BANP: variants seen among roughly 807,000 people sequenced by gnomAD.
BANP encodes the protein BTG3 associated nuclear protein.
In BANP, 11 loss-of-function variants were observed where a neutral mutation model predicts 68.1. The ratio of observed to expected loss-of-function variants is 0.16; its 90% confidence interval spans 0.10 to 0.27. The LOEUF (loss-of-function observed/expected upper bound fraction) is 0.27. Ranked by LOEUF, BANP falls within the 10% of genes least tolerant of loss-of-function variation. The pLI, the probability that BANP is intolerant of heterozygous loss-of-function variation, is 1.00. For synonymous variants in BANP, 329 were observed against 303.2 expected, an observed-to-expected ratio of 1.09 and a Z score of -0.88; for missense variants, 504 against 722.7, an observed-to-expected ratio of 0.70 and a Z score of 3.47.
rs1262163565 is a variant in BANP, at chr16:88,071,958, C to T, written c.1378-111C>T. On this transcript the variant is annotated intron_variant, in intron 12 of 13. Transcript: ENST00000682872. This position sits in a 1 kb window ranked among gnomAD's most constrained non-coding sequence, Gnocchi z 6.5. ...TGGCCCTGAGGCCGTGTCCCTGCCG[C>T]TCAGGGGACAGCACGTGTGGGCTGG... 3 of 1,435,784 alleles carry T rather than the reference C, an allele frequency of 2.1e-6. No individual in the cohort carries two copies. The highest frequency in any genetic ancestry group is 2.8e-6 in the Non-Finnish European group (3 of 1,058,770). 88.9% of individuals were successfully genotyped at this position (1,435,784 alleles called of 1,614,324 possible).
chr16:87,973,768 A>AAAAAAAAAAAAAAAAAAAAAAAGAAAG (rs2061546192), intron 1 of BANP, among the ~76,000 whole-genome samples: 2 of 104,924 alleles, frequency 1.9e-5, no homozygotes, highest in African/African-American at 3.1e-5. Context: ...AAAAAAAAAA[A>AAAAAAAAAAAAAAAAAAAAAAAGAAAG]AAAAAAGAAA....
At chr16:88,068,824 CTGCTCTCTCTTCCTT>C (rs1299377389) in intron 12 of BANP, among the ~76,000 whole-genome samples, 4 of 152,194 alleles carry the variant, frequency 2.6e-5, no homozygotes, top group Non-Finnish European at 5.9e-5. Context: ...GCAGGAATGT[CTGCTCTCTCTTCCTT>C]TCTTGGGAAG....
At chr16:87,952,429 T>A (rs1407697836) in intron 1 of BANP, 1 of 152,214 alleles carries the variant, frequency 6.6e-6, no homozygotes, top group Non-Finnish European at 1.5e-5. Flanking sequence ...TTGCCCTGTT[T>A]GGAGTTGCCT....
chr16:88,045,703 C>G (rs2081864649), intron 11 of BANP, among the ~76,000 whole-genome samples: 1 of 149,794 alleles, frequency 6.7e-6, no homozygotes, highest in African/African-American at 2.5e-5. Context: ...TTTCTTCTCC[C>G]TGAGGCCACC....
At chr16:87,952,451 G>A (rs2057135601) in intron 1 of BANP, 1 of 152,242 alleles carries the variant, frequency 6.6e-6, no homozygotes, top group Admixed American at 6.5e-5. Flanking sequence ...TTCTGCCCAG[G>A]AATGTACTCC....
In BANP at chr16:88,004,489, C is replaced by T; in HGVS notation, c.479+78C>T. On this transcript the variant is annotated intron_variant, in intron 5 of 13. Coordinates refer to ENST00000682872, the MANE Select transcript of BANP (RefSeq NM_001386991.1). This position sits in a 1 kb window ranked among gnomAD's most constrained non-coding sequence, Gnocchi z 7.0. ...TGAGAATAAGTCAACGTCCCTAAGC[C>T]AGGGCACAGTCCAGCACACGCTTCA... 1 of 815,678 alleles carries T rather than the reference C, an allele frequency of 1.2e-6. No individual in the cohort carries two copies. The highest frequency in any genetic ancestry group is 2.0e-6 in the Non-Finnish European group (1 of 512,204). The allele number at this position is 815,678 out of a possible 1,614,324, so 50.5% of individuals were successfully genotyped here.
intron 1 of BANP, among the ~76,000 whole-genome samples, chr16:87,969,166 C>T (rs895698879): frequency 6.6e-6 from 1 of 152,148 alleles, no homozygotes; most frequent in Non-Finnish European, 1.5e-5. Context: ...GTGGTATATT[C>T]CATTCTTAGC....
intron 1 of BANP, among the ~76,000 whole-genome samples, chr16:87,955,644 T>C (rs1182671472): frequency 1.3e-5 from 2 of 152,066 alleles, no homozygotes; most frequent in African/African-American, 4.8e-5. Context: ...CTGTCTGTGA[T>C]ATTTACATAG....
At chr16:88,019,834 T>C (rs2075644987) in intron 7 of BANP, among the ~76,000 whole-genome samples, 1 of 152,120 alleles carries the variant, frequency 6.6e-6, no homozygotes, top group African/African-American at 2.4e-5. Context: ...GTGGAAGGGC[T>C]CCGCTGTTCC....
chr16:88,070,672 C>G (rs1373039859), intron 12 of BANP, among the ~76,000 whole-genome samples: 1 of 152,138 alleles, frequency 6.6e-6, no homozygotes, highest in Non-Finnish European at 1.5e-5. Flanking sequence ...TCATGACAGG[C>G]CAGCACGTGG....
At chr16:88,005,187 A>G (rs766881677) in intron 5 of BANP, among the ~76,000 whole-genome samples, 7 of 152,052 alleles carry the variant, frequency 4.6e-5, no homozygotes, top group East Asian at 1.9e-4. Context: ...GGAGTTGGTG[A>G]TGGGCGGTGA....
At position 88,019,578 on chromosome 16, in the gene BANP, T is replaced by TGTGGGGGG. The variant is rs1257329356; in HGVS notation, c.895+911_895+912insGTGGGGGG. Among the ~76,000 whole-genome samples the TGTGGGGGG allele has an allele frequency of 2.8e-4, 3 of 10,576 alleles. 1 individual carries two copies. Among genetic ancestry groups the TGTGGGGGG allele is most frequent in the Non-Finnish European group, 4.2e-4 (2 of 4,726 alleles). 6.9% of individuals were successfully genotyped at this position (10,576 alleles called of 152,430 possible). A position where few individuals can be genotyped will look rare whatever the true frequency, so the allele number is the denominator to read the frequency against. On this transcript the variant is annotated intron_variant, in intron 7 of 13. Coordinates refer to ENST00000682872, the MANE Select transcript of BANP (RefSeq NM_001386991.1). ...ATCTCAGCGTGCGGGGGGCGGGGCGTCCGGGATCTCGGCGTGCGGGATCTC... is the reference window on the plus strand; with the variant it reads ...ATCTCAGCGTGCGGGGGGCGGGGCGTGTGGGGGGCCGGGATCTCGGCGTGCGGGATCTC...
intron 6 of BANP, among the ~76,000 whole-genome samples, chr16:88,009,006 T>G (rs2072167126): frequency 6.6e-6 from 1 of 152,238 alleles, no homozygotes; most frequent in Admixed American, 6.5e-5. Context: ...CTGCCTTATT[T>G]GGCATAGTGG....
At chr16:87,971,810 C>T (rs931392764) in intron 1 of BANP, among the ~76,000 whole-genome samples, 2 of 151,708 alleles carry the variant, frequency 1.3e-5, no homozygotes, top group Non-Finnish European at 2.9e-5. Flanking sequence ...TTCCTTTTTT[C>T]GAGACAGGGT....
Position 87,971,413 on chromosome 16 carries a change from C to T in BANP, c.-68-3635C>T, listed in dbSNP as rs74040210. 9.0e-3 allele frequency among the ~76,000 whole-genome samples: 1,375 copies of T among 152,294 alleles called. 22 individuals are homozygous for T. Among genetic ancestry groups the T allele is most frequent in the African/African-American group, 0.032 (1,321 of 41,554 alleles). On this transcript the variant is annotated intron_variant, in intron 1 of 13. Coordinates refer to ENST00000682872, the MANE Select transcript of BANP (RefSeq NM_001386991.1). ...AATACTGTTCTCTGAGGACTGGATGCTGCCTTTATACTTGAAAGTAATTTT... is the reference window on the plus strand; with the variant it reads ...AATACTGTTCTCTGAGGACTGGATGTTGCCTTTATACTTGAAAGTAATTTT...
chr16:88,024,278 C>T (rs561532629), intron 7 of BANP, among the ~76,000 whole-genome samples: 46 of 152,260 alleles, frequency 3.0e-4, no homozygotes, highest in African/African-American at 8.4e-4. Flanking sequence ...ACTTTAAGGC[C>T]GGTGCTCACT....
rs1225961951 is a variant in BANP at position 88,004,197 on chromosome 16, C to T, written c.363-98C>T. ...TTAGGCCTCCCCCTCAGTGCGGGTC[C>T]CTGGGAGTGGACTGTGTTGAATGAC... is the stretch of plus-strand genomic sequence containing the variant. On this transcript the variant is annotated intron_variant, in intron 4 of 13. Coordinates refer to ENST00000682872, the MANE Select transcript of BANP (RefSeq NM_001386991.1). This position sits in a 1 kb window ranked among gnomAD's most constrained non-coding sequence, Gnocchi z 7.0. The T allele has an allele frequency of 3.9e-6, 3 of 775,488 alleles. No homozygotes were observed. The highest frequency in any genetic ancestry group is 6.6e-6 in the Non-Finnish European group (3 of 451,962). The allele number at this position is 775,488 out of a possible 1,614,324, so 48.0% of individuals were successfully genotyped here.
chr16:88,069,845 AT>A (rs899335588), intron 12 of BANP, among the ~76,000 whole-genome samples: 34 of 149,444 alleles, frequency 2.3e-4, no homozygotes, highest in African/African-American at 6.6e-4. Context: ...TTATACGTGC[AT>A]TTTTTTTTTC....
chr16:88,040,520 C>T (rs2080502613), intron 11 of BANP, among the ~76,000 whole-genome samples: 3 of 150,670 alleles, frequency 2.0e-5, no homozygotes, highest in African/African-American at 7.5e-5. Flanking sequence ...ACGGCCCATT[C>T]GCTCTCCTCC....
Sources: allele counts gnomAD v4.1 joint callset (sites outside exome capture counted in the v4.1 genomes callset), GRCh38; gene constraint gnomAD v4.1.1; non-coding constraint Gnocchi (gnomAD v3.1); transcripts MANE v1.5; gene names NCBI Gene and HGNC (gene_info 2026-07-23, HGNC 2026-07-21).